FMNL2: variants seen among roughly 807,000 people sequenced by gnomAD.
FMNL2 encodes the protein formin like 2.
In FMNL2, 51 loss-of-function variants were observed where a neutral mutation model predicts 130.2. The observed-to-expected ratio is 0.39, with a 90% CI of 0.31 to 0.49. FMNL2 has a LOEUF of 0.49. Ranked by LOEUF, FMNL2 falls within the 20% of genes least tolerant of loss-of-function variation. The probability of loss-of-function intolerance (pLI) is 0.85; values close to 1 mark genes in which losing one functional copy is unlikely to be tolerated. For synonymous variants in FMNL2, 465 were observed against 467.1 expected, an observed-to-expected ratio of 1.00 and a Z score of 0.06; for missense variants, 977 against 1,316.2, an observed-to-expected ratio of 0.74 and a Z score of 3.99.
At chr2:152,352,208 T>A (rs987087605) in intron 1 of FMNL2, among the ~76,000 whole-genome samples, 4 of 152,148 alleles carry the variant, frequency 2.6e-5, no homozygotes, top group Non-Finnish European at 5.9e-5. Context: ...GTAGCCCTAA[T>A]GTGGGTTTAA....
intron 11 of FMNL2, among the ~76,000 whole-genome samples, chr2:152,612,620 C>G (rs983661262): frequency 2.0e-5 from 3 of 152,112 alleles, no homozygotes; most frequent in Admixed American, 1.3e-4. Flanking sequence ...ACCTCAATTT[C>G]CTTCCTTTTT....
At chr2:152,581,448 C>T (rs891379075) in intron 9 of FMNL2, among the ~76,000 whole-genome samples, 3 of 152,108 alleles carry the variant, frequency 2.0e-5, no homozygotes, top group Admixed American at 2.0e-4. Context: ...TATGAAAAAC[C>T]TGGCAAATAC....
rs556910615 is a variant in FMNL2 at position 152,453,135 on chromosome 2, G to A, written c.118-68808G>A. On this transcript the variant is annotated intron_variant, in intron 1 of 25. Coordinates refer to ENST00000288670, the MANE Select transcript of FMNL2 (RefSeq NM_052905.4). Reference sequence around the variant, plus strand: ...GAGAATCACTTGAACCCTGGAGGCAGAGGTTGCAGCAAGCCAAGATCGCAC... The same window carrying A: ...GAGAATCACTTGAACCCTGGAGGCAAAGGTTGCAGCAAGCCAAGATCGCAC... Among the ~76,000 whole-genome samples, 114 of 151,158 alleles carry A rather than the reference G, an allele frequency of 7.5e-4. 3 individuals carry two copies. The highest frequency in any genetic ancestry group is 6.3e-3 in the Admixed American group (95 of 15,162).
chr2:152,501,942 A>G (rs957611168), intron 1 of FMNL2, among the ~76,000 whole-genome samples: 4 of 152,230 alleles, frequency 2.6e-5, no homozygotes, highest in Admixed American at 2.0e-4. Context: ...CTGTAACTGC[A>G]TGGTAGCAAG....
intron 1 of FMNL2, among the ~76,000 whole-genome samples, chr2:152,405,771 T>C (rs1035774262): frequency 6.6e-6 from 1 of 152,248 alleles, no homozygotes; most frequent in African/African-American, 2.4e-5. Flanking sequence ...TCCTGATTCC[T>C]GGTTCTGGGT....
intron 1 of FMNL2, among the ~76,000 whole-genome samples, chr2:152,495,558 G>A (rs201269453): frequency 1.3e-5 from 2 of 149,334 alleles, no homozygotes; most frequent in East Asian, 3.9e-4. Flanking sequence ...GCTGAGGCAC[G>A]AAAATCCGTT....
At chr2:152,461,065 G>T (rs1045445997) in intron 1 of FMNL2, among the ~76,000 whole-genome samples, 2 of 152,132 alleles carry the variant, frequency 1.3e-5, no homozygotes, top group Non-Finnish European at 2.9e-5. Context: ...AAGGTTGGGG[G>T]CTGCTGCTGT....
chr2:152,478,058 G>A (rs771490602), intron 1 of FMNL2, among the ~76,000 whole-genome samples: 2 of 151,354 alleles, frequency 1.3e-5, no homozygotes, highest in Non-Finnish European at 2.9e-5. Context: ...CAGAATCTTT[G>A]TTACCCAAAT....
chr2:152,337,278 A>G (rs1462926187), intron 1 of FMNL2, among the ~76,000 whole-genome samples: 4 of 152,106 alleles, frequency 2.6e-5, no homozygotes, highest in African/African-American at 7.2e-5. Flanking sequence ...CCAGAGACAA[A>G]CGTTTTTCTT....
intron 1 of FMNL2, among the ~76,000 whole-genome samples, chr2:152,476,966 T>C (rs1690184861): frequency 6.6e-6 from 1 of 152,180 alleles, no homozygotes; most frequent in African/African-American, 2.4e-5. Flanking sequence ...TCTGGGAAGT[T>C]AGAATGATCA....
intron 1 of FMNL2, among the ~76,000 whole-genome samples, chr2:152,375,893 AT>A (rs1684138878): frequency 6.9e-6 from 1 of 145,254 alleles, no homozygotes; most frequent in African/African-American, 2.5e-5. Flanking sequence ...ATATATATAT[AT>A]ATAATTATTA....
At chr2:152,372,696 G>A (rs538200827) in intron 1 of FMNL2, among the ~76,000 whole-genome samples, 37 of 152,294 alleles carry the variant, frequency 2.4e-4, no homozygotes, top group Admixed American at 2.4e-3. Context: ...TTCCCTTTGG[G>A]CGGCCTGAAC....
chr2:152,495,735 A>C (rs1161775964), intron 1 of FMNL2, among the ~76,000 whole-genome samples: 1 of 149,730 alleles, frequency 6.7e-6, no homozygotes, highest in Non-Finnish European at 1.5e-5. Flanking sequence ...ATACACACAC[A>C]CTTCCCTACC....
chr2:152,523,468 C>T (rs1165798940), intron 2 of FMNL2, among the ~76,000 whole-genome samples: 1 of 152,128 alleles, frequency 6.6e-6, no homozygotes, highest in Non-Finnish European at 1.5e-5. Context: ...CTGATATCCT[C>T]ACTGAAAAAA....
intron 1 of FMNL2, among the ~76,000 whole-genome samples, chr2:152,458,417 G>A (rs761727286): frequency 1.3e-5 from 2 of 152,130 alleles, no homozygotes; most frequent in Non-Finnish European, 2.9e-5. Context: ...TCCCTGTTCT[G>A]TTGACTGCAC....
intron 4 of FMNL2, 105 bp downstream of exon 4, chr2:152,549,202 T>G: frequency 1.4e-6 from 1 of 713,292 alleles, no homozygotes; most frequent in South Asian, 3.0e-5. Flanking sequence ...CATTATAAAT[T>G]AAAAGACTGA....
intron 7 of FMNL2, among the ~76,000 whole-genome samples, chr2:152,576,579 G>A (rs1232287184): frequency 2.6e-5 from 4 of 152,166 alleles, no homozygotes; most frequent in Non-Finnish European, 4.4e-5. Context: ...CTAGTTAGTA[G>A]TGGAGTCAAG....
At chr2:152,401,005 T>C (rs1262915142) in intron 1 of FMNL2, among the ~76,000 whole-genome samples, 1 of 152,254 alleles carries the variant, frequency 6.6e-6, no homozygotes, top group Non-Finnish European at 1.5e-5. Context: ...AGTATGTGAC[T>C]CAGTTCTCAA....
chr2:152,533,148 C>T (rs1268765992), intron 2 of FMNL2, among the ~76,000 whole-genome samples: 1 of 152,112 alleles, frequency 6.6e-6, no homozygotes, highest in Non-Finnish European at 1.5e-5. Flanking sequence ...TGTCTACCTT[C>T]AGGTCACAGA....
Sources: allele counts gnomAD v4.1 joint callset (sites outside exome capture counted in the v4.1 genomes callset), GRCh38; gene constraint gnomAD v4.1.1; transcripts MANE v1.5; gene names NCBI Gene and HGNC (gene_info 2026-07-23, HGNC 2026-07-21).